The following RASGRF2 variants were observed in gnomAD, a reference collection of about 807,000 sequenced individuals.
The protein encoded by RASGRF2 is ras-specific guanine nucleotide-releasing factor 2.
In RASGRF2, 76 loss-of-function variants were observed where a neutral mutation model predicts 151.0. That is an observed-to-expected ratio of 0.50 (90% CI 0.42 to 0.61). The LOEUF is 0.61. Ranked by LOEUF, RASGRF2 falls within the 20% of genes least tolerant of loss-of-function variation. The pLI, the probability that RASGRF2 is intolerant of heterozygous loss-of-function variation, is 0.00. For missense variants in RASGRF2, 1,148 were observed against 1,564.6 expected (o/e 0.73, Z 4.49); for synonymous variants, 504 against 566.5 (o/e 0.89, Z 1.57).
chr5:81,147,887 C>T (rs958153551), intron 17 of RASGRF2, among the ~76,000 whole-genome samples: 4 of 152,196 alleles, frequency 2.6e-5, no homozygotes, highest in African/African-American at 9.7e-5. Flanking sequence ...CCAGAGATTT[C>T]CTCTGCCAAA....
chr5:81,198,956 T>TG (rs752670922), intron 18 of RASGRF2, among the ~76,000 whole-genome samples: 3 of 152,246 alleles, frequency 2.0e-5, no homozygotes, highest in Non-Finnish European at 4.4e-5. Flanking sequence ...ATGGTAGTTC[T>TG]ATTTTTAGTT....
chr5:80,962,147 A>G (rs1439124399), intron 1 of RASGRF2, among the ~76,000 whole-genome samples: 1 of 152,198 alleles, frequency 6.6e-6, no homozygotes, highest in Non-Finnish European at 1.5e-5. Context: ...AGGAGTTAAA[A>G]CTAGACCGAC....
rs1044711593 is a variant in RASGRF2 at position 81,112,289 on chromosome 5, G to A, written c.1839-321G>A. On this transcript the variant is annotated intron_variant, in intron 13 of 26. Coordinates refer to ENST00000265080, the MANE Select transcript of RASGRF2 (RefSeq NM_006909.3). ...ACAAATTTTTAAAATACAGGATAAC[G>A]TTTTACGTAATATTCACATTGTTTT... 1.2e-4 allele frequency among the ~76,000 whole-genome samples: 18 copies of A among 152,192 alleles called. 1 individual carries two copies. The highest frequency in any genetic ancestry group is 4.2e-4 in the South Asian group (2 of 4,818).
At chr5:81,199,715 T>C (rs1468614391) in intron 18 of RASGRF2, among the ~76,000 whole-genome samples, 5 of 151,972 alleles carry the variant, frequency 3.3e-5, no homozygotes, top group Admixed American at 1.3e-4. Context: ...CTGGCCAACA[T>C]GGTGAAACCC....
intron 17 of RASGRF2, among the ~76,000 whole-genome samples, chr5:81,155,112 T>G (rs1754230231): frequency 6.6e-6 from 1 of 152,074 alleles, no homozygotes; most frequent in Non-Finnish European, 1.5e-5. Flanking sequence ...TTGAAACAAA[T>G]GAAAATGAAA....
At chr5:80,995,729 G>GGAGACTGGAGTGCAGTGGGGTGA (rs1748834441) in intron 1 of RASGRF2, among the ~76,000 whole-genome samples, 11 of 115,194 alleles carry the variant, frequency 9.5e-5, no homozygotes, top group Non-Finnish European at 1.5e-4. Context: ...GTCTCCGTCT[G>GGAGACTGGAGTGCAGTGGGGTGA]TCGCCCAGGC....
In RASGRF2 at chr5:81,085,929, A is replaced by G; in HGVS notation, c.1271+18A>G. On this transcript the variant is annotated intron_variant, in intron 8 of 26. Transcript: ENST00000265080. Reference sequence around the variant, plus strand: ...CTATCCAGGTATGCCAAGAACTTATAACAAAGGCTTGGGAGAGGAAAGCAG... The same window carrying G: ...CTATCCAGGTATGCCAAGAACTTATGACAAAGGCTTGGGAGAGGAAAGCAG... 1 of 1,613,968 alleles carries G rather than the reference A, an allele frequency of 6.2e-7. No individual in the cohort carries two copies. The highest frequency in any genetic ancestry group is 8.5e-7 in the Non-Finnish European group (1 of 1,179,918).
At chr5:80,974,051 T>TAATGA (rs1273561383) in intron 1 of RASGRF2, among the ~76,000 whole-genome samples, 2 of 152,210 alleles carry the variant, frequency 1.3e-5, no homozygotes, top group Non-Finnish European at 2.9e-5. Context: ...ATTGCAAGAC[T>TAATGA]AATGGGTCAG....
At position 81,132,900 on chromosome 5, in the gene RASGRF2, G is replaced by A. The variant is rs188238389; in HGVS notation, c.2686+5737G>A. On this transcript the variant is annotated intron_variant, in intron 17 of 26. Coordinates refer to ENST00000265080, the MANE Select transcript of RASGRF2 (RefSeq NM_006909.3). ...AATATAAACTTTTAGGGCACCTCCC[G>A]GGGCTTTGGAAGAGGCCCATACAAA... 1.2e-4 allele frequency among the ~76,000 whole-genome samples: 18 copies of A among 152,262 alleles called. No homozygotes were observed. The East Asian group carries it at 1.5e-3, about 13-fold the overall frequency.
chr5:81,054,657 G>T lies in RASGRF2; in HGVS notation c.395+11674G>T, dbSNP rs374796312. The stretch of plus-strand genomic sequence containing the variant: ...CTTGAAAGTAGTTTTTTCCAATTCT[G>T]TGAAGAAAGTCATTGGTAGCTTGAT... On this transcript the variant is annotated intron_variant, in intron 2 of 26. Coordinates refer to ENST00000265080, the MANE Select transcript of RASGRF2 (RefSeq NM_006909.3). Among the ~76,000 whole-genome samples, 88 of 110,764 alleles carry T rather than the reference G, an allele frequency of 7.9e-4. 1 individual carries two copies. The highest frequency in any genetic ancestry group is 2.8e-3 in the African/African-American group (79 of 27,786). 72.7% of individuals were successfully genotyped at this position (110,764 alleles called of 152,430 possible). A position where few individuals can be genotyped will look rare whatever the true frequency, so the allele number is the denominator to read the frequency against.
intron 18 of RASGRF2, among the ~76,000 whole-genome samples, chr5:81,196,530 A>G (rs898566147): frequency 6.6e-6 from 1 of 152,206 alleles, no homozygotes; most frequent in Non-Finnish European, 1.5e-5. Context: ...GTCTTCCCAG[A>G]GTTCAAAATA....
chr5:81,029,349 C>A (rs1267082516), intron 1 of RASGRF2, among the ~76,000 whole-genome samples: 2 of 152,234 alleles, frequency 1.3e-5, no homozygotes, highest in African/African-American at 4.8e-5. Flanking sequence ...AGACTGCCTC[C>A]TCAAGTGGGT....
At chr5:81,207,381 G>A (rs367922404) in intron 21 of RASGRF2, 32 bp downstream of exon 21, 49 of 1,546,300 alleles carry the variant, frequency 3.2e-5, no homozygotes, top group East Asian at 2.2e-4. Context: ...AGCAGGGCTC[G>A]GCTGCTCTAG....
At chr5:81,220,051 G>A (rs181220921) in intron 26 of RASGRF2, among the ~76,000 whole-genome samples, 45 of 151,902 alleles carry the variant, frequency 3.0e-4, no homozygotes, top group Admixed American at 2.0e-3. Context: ...GCCGATATCT[G>A]TTGCCTGCTC....
At chr5:81,189,564 C>A (rs1370161436) in intron 18 of RASGRF2, among the ~76,000 whole-genome samples, 12 of 151,176 alleles carry the variant, frequency 7.9e-5, no homozygotes, top group African/African-American at 2.9e-4. Flanking sequence ...GATCGTAGCT[C>A]ACTATAGCCT....
At chr5:81,018,998 C>T (rs1014690828) in intron 1 of RASGRF2, among the ~76,000 whole-genome samples, 2 of 152,128 alleles carry the variant, frequency 1.3e-5, no homozygotes, top group Non-Finnish European at 2.9e-5. Context: ...TAGGGTTTCG[C>T]CTTGTTGGCC....
intron 1 of RASGRF2, among the ~76,000 whole-genome samples, chr5:81,002,473 T>A (rs1580189395): frequency 6.6e-6 from 1 of 152,308 alleles, no homozygotes; most frequent in East Asian, 1.9e-4. Context: ...ATCTGGACAA[T>A]AATTTGTGGC....
At chr5:81,104,252 C>A (rs1752781433) in intron 12 of RASGRF2, among the ~76,000 whole-genome samples, 1 of 151,900 alleles carries the variant, frequency 6.6e-6, no homozygotes, top group Non-Finnish European at 1.5e-5. Context: ...ATGGCTCATT[C>A]TTTTATGTAT....
At chr5:81,052,907 T>G (rs1186869968) in intron 2 of RASGRF2, among the ~76,000 whole-genome samples, 1 of 152,152 alleles carries the variant, frequency 6.6e-6, no homozygotes, top group Non-Finnish European at 1.5e-5. Flanking sequence ...ACCCTGGAGA[T>G]AGGTGGAGTT....
Sources: allele counts gnomAD v4.1 joint callset (sites outside exome capture counted in the v4.1 genomes callset), GRCh38; gene constraint gnomAD v4.1.1; transcripts MANE v1.5; gene names NCBI Gene and HGNC (gene_info 2026-07-23, HGNC 2026-07-21).